KIF3C: variants seen among roughly 807,000 people sequenced by gnomAD.
KIF3C encodes kinesin-like protein KIF3C.
A neutral mutation model predicts 67.7 loss-of-function variants in KIF3C; 12 were observed. The ratio of observed to expected loss-of-function variants is 0.18; its 90% CI spans 0.11 to 0.29. The LOEUF is 0.29. Ranked by LOEUF, KIF3C falls within the 10% of genes least tolerant of loss-of-function variation. The probability of loss-of-function intolerance (pLI) is 1.00; values close to 1 mark genes in which losing one functional copy is unlikely to be tolerated. For missense variants in KIF3C, 789 were observed against 1,059.6 expected (o/e 0.74, Z 3.55); for synonymous variants, 393 against 426.2 (o/e 0.92, Z 0.96).
chr2:25,962,939 TATATAATATATA>T (rs1323164064), intron 1 of KIF3C, among the ~76,000 whole-genome samples: 2 of 38,702 alleles, frequency 5.2e-5, no homozygotes, highest in East Asian at 3.5e-3. Context: ...ATACATATAA[TATATAATATATA>T]ATATATAATA....
chr2:25,934,091 T>C, intron 5 of KIF3C: 1 of 468,816 alleles, frequency 2.1e-6, no homozygotes, highest in South Asian at 1.6e-5. Flanking sequence ...TTGAAAACAT[T>C]TTGCTAAGTG....
At position 25,928,995 on chromosome 2, in the gene KIF3C, C is replaced by A; in HGVS notation, c.2365G>T (p.Val789Leu). 6.2e-7 allele frequency: 1 copy of A among 1,613,586 alleles called. No individual in the cohort carries two copies. Among genetic ancestry groups the A allele is most frequent in the Non-Finnish European group, 8.5e-7 (1 of 1,179,948 alleles). Reference protein sequence around the residue: ...LASASLRPATVADHE With the variant: ...LASASLRPATLADHE ...GATGGTTGTCACTCATGGTCCGCCACTGTTGCAGGGCGCAGAGAAGCAGAG... is the reference window on the plus strand; with the variant it reads ...GATGGTTGTCACTCATGGTCCGCCAATGTTGCAGGGCGCAGAGAAGCAGAG... Residue 789 changes from valine (V) to leucine (L), a missense_variant, in exon 8 of 8, where the codon GTG (valine) becomes TTG (leucine). Around this residue, in one of 2 missense-constraint regions of KIF3C, gnomAD observed 648 missense variants for 807.8 expected, o/e 0.80. Coordinates refer to ENST00000264712, the MANE Select transcript of KIF3C (RefSeq NM_002254.8).
At chr2:25,948,039 G>A (rs1663492423) in intron 5 of KIF3C, among the ~76,000 whole-genome samples, 1 of 152,128 alleles carries the variant, frequency 6.6e-6, no homozygotes, top group Admixed American at 6.6e-5. Context: ...CCTGGTGGAA[G>A]AAAGCAAACT....
rs771331310 is a variant in KIF3C, at chr2:25,929,362, C to T, written c.2231G>A (p.Arg744Gln). 1.8e-5 allele frequency: 29 copies of T among 1,614,030 alleles called. No homozygotes were observed. Among genetic ancestry groups the T allele is most frequent in the Non-Finnish European group, 1.4e-5 (17 of 1,180,014 alleles). The change falls in exon 7 of 8, where the codon CGA becomes CAA. Residue 744 changes from arginine to glutamine, a missense_variant. Arg to Gln is a conservative substitution (Grantham distance 43). Around this residue, in one of 2 missense-constraint regions of KIF3C, gnomAD observed 648 missense variants for 807.8 expected, o/e 0.80. Transcript: ENST00000264712. ...AGGTCTTTCCAGAAAGCTGTCCAAT[C>T]GCATGAGCCTCTCCATGTGTAGCGC... is the stretch of plus-strand genomic sequence containing the variant. Reference protein sequence around the residue: ...PRALHMERLMRLDSFLERPST... With the variant: ...PRALHMERLMQLDSFLERPST...
At chr2:25,971,493 T>G (rs1222990293) in intron 1 of KIF3C, among the ~76,000 whole-genome samples, 1 of 151,894 alleles carries the variant, frequency 6.6e-6, no homozygotes, top group Admixed American at 6.6e-5. Flanking sequence ...CCTGGGACTC[T>G]TCTGTTGAGT....
rs71441005 is a variant in KIF3C at position 25,951,875 on chromosome 2, C to G, written c.1920G>C (p.Pro640=). The change falls in exon 5 of 8, where the codon CCG becomes CCC. Residue 640 remains proline (P), a synonymous_variant. Coordinates refer to ENST00000264712, the MANE Select transcript of KIF3C (RefSeq NM_002254.8). ...KYLIIENFIP[P]EEKNKIMNRL... ...GGTTCATGATCTTGTTCTTCTCCTC[C>G]GGCGGGATGAAGTTCTCGATGATTA... is the stretch of plus-strand genomic sequence containing the variant. The G allele has an allele frequency of 6.2e-6, 10 of 1,613,724 alleles. No homozygotes were observed. The highest frequency in any genetic ancestry group is 8.5e-6 in the Non-Finnish European group (10 of 1,179,824).
intron 5 of KIF3C, among the ~76,000 whole-genome samples, chr2:25,948,946 C>T (rs1346658107): frequency 6.6e-6 from 1 of 151,744 alleles, no homozygotes; most frequent in Admixed American, 6.6e-5. Flanking sequence ...TTCTCAGTTC[C>T]ACATTAAAGG....
At chr2:25,943,633 C>T (rs10200374) in intron 5 of KIF3C, among the ~76,000 whole-genome samples, 16,186 of 152,020 alleles carry the variant, frequency 0.11, 1,437 homozygotes, top group African/African-American at 0.24. Context: ...CACCTGAGGT[C>T]GGGAGTTCGA....
rs1388520424 is a variant in KIF3C at position 25,982,088 on chromosome 2, C to G, written c.-171G>C. ...CTGGGAGGTGGCCCCAACGCTGCTG[C>G]AGTCCGGGCCTCCACCGCTCTCCGG... On this transcript the variant is annotated 5_prime_UTR_variant, in exon 1 of 8. Coordinates refer to ENST00000264712, the MANE Select transcript of KIF3C (RefSeq NM_002254.8). The G allele has an allele frequency of 7.2e-6, 4 of 557,162 alleles. No homozygotes were observed. In the African/African-American group the frequency reaches 7.6e-5, roughly 11 times the overall value. 34.5% of individuals were successfully genotyped at this position (557,162 alleles called of 1,614,324 possible).
chr2:25,969,480 G>GA, intron 1 of KIF3C, among the ~76,000 whole-genome samples: 1 of 150,502 alleles, frequency 6.6e-6, no homozygotes, highest in East Asian at 1.9e-4. Flanking sequence ...CAAAACTTTT[G>GA]AAAAAATAAA....
intron 5 of KIF3C, among the ~76,000 whole-genome samples, chr2:25,949,660 C>A (rs769925461): frequency 3.9e-5 from 6 of 152,096 alleles, no homozygotes; most frequent in Non-Finnish European, 5.9e-5. Context: ...CCTTCACCTG[C>A]AAACTTTAAA....
chr2:25,943,254 G>T (rs2149226967), intron 5 of KIF3C, among the ~76,000 whole-genome samples: 1 of 152,282 alleles, frequency 6.6e-6, no homozygotes, highest in South Asian at 2.1e-4. Context: ...GGGGAGTGGA[G>T]AAGTTTGCTT....
intron 5 of KIF3C, among the ~76,000 whole-genome samples, chr2:25,944,311 T>A (rs1336668057): frequency 6.6e-6 from 1 of 152,090 alleles, no homozygotes; most frequent in African/African-American, 2.4e-5. Flanking sequence ...AATTTGTATT[T>A]AAGTGTAGTA....
chr2:25,954,989 C>G (rs975370368), intron 3 of KIF3C, among the ~76,000 whole-genome samples: 3 of 152,214 alleles, frequency 2.0e-5, no homozygotes, highest in African/African-American at 7.2e-5. Context: ...ATCACCCACC[C>G]CGAAGGGCCT....
At chr2:25,934,251 T>C (rs1444681385) in intron 5 of KIF3C, 1 of 459,630 alleles carries the variant, frequency 2.2e-6, no homozygotes, top group East Asian at 7.0e-5. Context: ...TAACTGCTAA[T>C]TGGTTCAGGG....
chr2:25,962,966 TAATATATAATATATAA>T (rs1664020692), intron 1 of KIF3C, among the ~76,000 whole-genome samples: 2 of 26,862 alleles, frequency 7.4e-5, no homozygotes, highest in South Asian at 1.5e-3. Flanking sequence ...ATAATATATA[TAATATATAATATATAA>T]TATATAATAT....
chr2:25,971,302 T>C (rs1048812520), intron 1 of KIF3C, among the ~76,000 whole-genome samples: 2 of 143,806 alleles, frequency 1.4e-5, no homozygotes, highest in African/African-American at 5.2e-5. Context: ...TAGCAGGACG[T>C]GGTGGCGCGC....
rs2149234257 is a variant in KIF3C at position 25,955,816 on chromosome 2, G to A, written c.1648-153C>T. 6.6e-6 allele frequency among the ~76,000 whole-genome samples: 1 copy of A among 152,178 alleles called. No individual in the cohort carries two copies. The highest frequency in any genetic ancestry group is 1.9e-4 in the East Asian group (1 of 5,146). On this transcript the variant is annotated intron_variant, in intron 2 of 7. Transcript: ENST00000264712. This position sits in a 1 kb window ranked among gnomAD's most constrained non-coding sequence, Gnocchi z 5.0. ...CACTGCTCCCACCCAATCCTGCAGA[G>A]CCCCTGGGAACCCTCCTCTCAGTTC...
chr2:25,977,172 A>T (rs1047073588), intron 1 of KIF3C, among the ~76,000 whole-genome samples: 5 of 152,154 alleles, frequency 3.3e-5, no homozygotes, highest in Non-Finnish European at 5.9e-5. Context: ...GAAAGGAGGG[A>T]TGAAATGAGA....
Sources: allele counts gnomAD v4.1 joint callset (sites outside exome capture counted in the v4.1 genomes callset), GRCh38; gene constraint gnomAD v4.1.1; regional missense constraint gnomAD v4.1.1; non-coding constraint Gnocchi (gnomAD v3.1); transcripts MANE v1.5; gene names NCBI Gene and HGNC (gene_info 2026-07-23, HGNC 2026-07-21).